The following ZNF197 variants were observed in gnomAD, a reference collection of about 807,000 sequenced individuals.
ZNF197 encodes the protein VHL-associated KRAB-A domain-containing protein.
Under a neutral mutation model 27.4 loss-of-function variants are expected in ZNF197, and 14 were observed. That is an observed-to-expected ratio of 0.51 (90% CI 0.34 to 0.80). The LOEUF is 0.80. ZNF197 is among the 30% of genes least tolerant of loss of function. ZNF197 has a pLI of 0.02. For synonymous variants in ZNF197, 415 were observed against 420.0 expected (o/e 0.99, Z 0.15); for missense variants, 1,090 against 1,222.6 (o/e 0.89, Z 1.62).
Position 44,645,253 on chromosome 3 carries a change from T to C in ZNF197, c.*1033T>C, listed in dbSNP as rs1702889494. 21 of 985,264 alleles carry C rather than the reference T, an allele frequency of 2.1e-5. No homozygotes were observed. The highest frequency in any genetic ancestry group is 2.5e-5 in the Non-Finnish European group (21 of 829,926). 61.0% of individuals were successfully genotyped at this position (985,264 alleles called of 1,614,324 possible). On this transcript the variant is annotated 3_prime_UTR_variant, in exon 6 of 6. Coordinates refer to ENST00000344387, the MANE Select transcript of ZNF197 (RefSeq NM_006991.5). ...TGAAATCATTCAGTTGTCAATAAAG[T>C]TGGATAAAAGAGGTTATGGTAAAAG...
intron 5 of ZNF197, among the ~76,000 whole-genome samples, chr3:44,637,128 T>TA (rs1702338932): frequency 6.6e-6 from 1 of 152,212 alleles, no homozygotes; most frequent in South Asian, 2.1e-4. Context: ...ATATATGACT[T>TA]ACAAATATTT....
chr3:44,643,283 G>A lies in ZNF197; in HGVS notation c.2153G>A (p.Ser718Asn), dbSNP rs773691387. The change falls in exon 6 of 6, where the codon AGC becomes AAC. Residue 718 changes from serine to asparagine, a missense_variant. By Grantham distance (46) the Ser-to-Asn change is conservative (BLOSUM62 1). Coordinates refer to ENST00000344387, the MANE Select transcript of ZNF197 (RefSeq NM_006991.5). ...CRECGKTFIM[S>N]KSFMVHQKLH... ...GAGTGTGGGAAAACCTTTATTATGA[G>A]CAAAAGTTTTATGGTCCATCAGAAA... is the stretch of plus-strand genomic sequence containing the variant. The A allele has an allele frequency of 9.3e-6, 15 of 1,613,878 alleles. No individual in the cohort carries two copies. Among genetic ancestry groups the A allele is most frequent in the Non-Finnish European group, 1.3e-5 (15 of 1,180,008 alleles).
rs1319104407 is a variant in ZNF197, at chr3:44,643,454, G to A, written c.2324G>A (p.Arg775Lys). The A allele has an allele frequency of 6.2e-7, 1 of 1,614,164 alleles. No homozygotes were observed. Among genetic ancestry groups the A allele is most frequent in the Non-Finnish European group, 8.5e-7 (1 of 1,180,042 alleles). Residue 775 changes from arginine to lysine, a missense_variant, in exon 6 of 6, where the codon AGA (arginine) becomes AAA (lysine). Arg to Lys is a conservative substitution (Grantham distance 26, BLOSUM62 2). Coordinates refer to ENST00000344387, the MANE Select transcript of ZNF197 (RefSeq NM_006991.5). ...SECGRAFSSN[R>K]NLIEHKRIHS... ...TGTGGAAGAGCTTTCAGTTCAAACA[G>A]AAACCTCATTGAGCATAAGAGAATC...
At chr3:44,630,825 G>C in intron 2 of ZNF197, 1 of 660,192 alleles carries the variant, frequency 1.5e-6, no homozygotes. Context: ...TCTGGCTTCT[G>C]TTCCCACCGT....
Position 44,646,608 on chromosome 3 carries a change from G to T in ZNF197, c.*2388G>T, listed in dbSNP as rs574325812. ...CCTGGATTCTTCAAAATATTATTAT[G>T]ATGAAAAAGAGAGGGGAGTGAAAAT... On this transcript the variant is annotated 3_prime_UTR_variant, in exon 6 of 6. Coordinates refer to ENST00000344387, the MANE Select transcript of ZNF197 (RefSeq NM_006991.5). The T allele has an allele frequency of 1.2e-4, 102 of 818,202 alleles. No individual in the cohort carries two copies. Among genetic ancestry groups the T allele is most frequent in the African/African-American group, 3.4e-4 (20 of 58,500 alleles). 50.7% of individuals were successfully genotyped at this position (818,202 alleles called of 1,614,324 possible).
intron 5 of ZNF197, among the ~76,000 whole-genome samples, chr3:44,639,664 T>A (rs912044670): frequency 2.6e-5 from 4 of 152,000 alleles, no homozygotes; most frequent in African/African-American, 9.7e-5. Context: ...TTTTTTAAGA[T>A]CAATGTTAAT....
intron 1 of ZNF197, among the ~76,000 whole-genome samples, chr3:44,625,478 G>A (rs1480662754): frequency 6.6e-6 from 1 of 152,176 alleles, no homozygotes; most frequent in Non-Finnish European, 1.5e-5. Flanking sequence ...AGTCTTGTCT[G>A]AGGCTAATCC....
rs1362543905 is a variant in ZNF197, at chr3:44,647,686, AAAT to A, written c.*3470_*3472del. 9.9e-5 allele frequency: 15 copies of A among 152,218 alleles called. No individual in the cohort carries two copies. The highest frequency in any genetic ancestry group is 9.8e-4 in the Admixed American group (15 of 15,280). The allele number at this position is 152,218 out of a possible 1,614,324, so 9.4% of individuals were successfully genotyped here. ...TTTCAAGGGAATTAATGCTGAGTGA[AAAT>A]AATCACAAAAGGCCATATTCTGTAT... is the stretch of plus-strand genomic sequence containing the variant. On this transcript the variant is annotated 3_prime_UTR_variant, in exon 6 of 6. Transcript: ENST00000344387.
Position 44,641,506 on chromosome 3 carries a change from T to C in ZNF197, c.770-394T>C, listed in dbSNP as rs1053835409. ...TTTCCTTCCCTTAAAGTTTCCATCC[T>C]TCTAACATGAAGAAAATAATAAAGA... On this transcript the variant is annotated intron_variant, in intron 5 of 5. Coordinates refer to ENST00000344387, the MANE Select transcript of ZNF197 (RefSeq NM_006991.5). Among the ~76,000 whole-genome samples the C allele has an allele frequency of 2.0e-5, 3 of 152,214 alleles. No homozygotes were observed. The South Asian group carries it at 6.2e-4, about 32-fold the overall frequency.
Position 44,646,069 on chromosome 3 carries a change from C to A in ZNF197, c.*1849C>A. The A allele has an allele frequency of 1.0e-6, 1 of 985,284 alleles. No homozygotes were observed. Among genetic ancestry groups the A allele is most frequent in the Non-Finnish European group, 1.2e-6 (1 of 829,924 alleles). The allele number at this position is 985,284 out of a possible 1,614,324, so 61.0% of individuals were successfully genotyped here. ...CCCACAGTTTCTTGGGGGCTGGTTC[C>A]TCATTAGAGTGAAAGGTAGCCAAGA... On this transcript the variant is annotated 3_prime_UTR_variant, in exon 6 of 6. Transcript: ENST00000344387.
At chr3:44,629,614 G>A in intron 2 of ZNF197, 70 bp downstream of exon 2, 2 of 1,477,492 alleles carry the variant, frequency 1.4e-6, no homozygotes, top group South Asian at 1.5e-5. Context: ...TAGGCTAGAG[G>A]GTGATCCTGT....
rs2125822684 is a variant in ZNF197, at chr3:44,642,603, C to T, written c.1473C>T (p.Phe491=). The T allele has an allele frequency of 1.2e-6, 2 of 1,613,788 alleles. No individual in the cohort carries two copies. The highest frequency in any genetic ancestry group is 1.7e-6 in the Non-Finnish European group (2 of 1,179,922). The change falls in exon 6 of 6, where the codon TTC becomes TTT. Residue 491 remains phenylalanine (F), a synonymous_variant. Coordinates refer to ENST00000344387, the MANE Select transcript of ZNF197 (RefSeq NM_006991.5). ...AGTGTAATGAATGTGGGAAAGTCTT[C>T]TCTCAGAATGCTTACCTCATTGACC... ...PYKCNECGKV[F]SQNAYLIDHQ... is the part of the protein sequence containing the mutation.
In ZNF197 at chr3:44,640,696, C is replaced by T. The variant is rs574138033; in HGVS notation, c.770-1204C>T. Among the ~76,000 whole-genome samples the T allele has an allele frequency of 2.6e-4, 39 of 152,202 alleles. No individual in the cohort carries two copies. The highest frequency in any genetic ancestry group is 8.7e-4 in the African/African-American group (36 of 41,542). On this transcript the variant is annotated intron_variant, in intron 5 of 5. Coordinates refer to ENST00000344387, the MANE Select transcript of ZNF197 (RefSeq NM_006991.5). The surrounding 1 kb of genome is among the most constrained non-coding windows in gnomAD (Gnocchi z 4.0). ...CCCGGCCTCTCCTTATGTTTGAAAC[C>T]TCACTGTGAATAAGGAAACTGAAGT...
chr3:44,626,777 T>G (rs1701692234), intron 1 of ZNF197, among the ~76,000 whole-genome samples: 1 of 152,194 alleles, frequency 6.6e-6, no homozygotes. Context: ...AAATTGGCAA[T>G]ATCAAAATTA....
At chr3:44,634,819 T>G (rs1232992865) in intron 5 of ZNF197, among the ~76,000 whole-genome samples, 1 of 152,198 alleles carries the variant, frequency 6.6e-6, no homozygotes, top group Non-Finnish European at 1.5e-5. Context: ...TCAATATATC[T>G]TGATACATAG....
chr3:44,633,132 G>A (rs1702102630), intron 5 of ZNF197, among the ~76,000 whole-genome samples: 1 of 152,002 alleles, frequency 6.6e-6, no homozygotes, highest in African/African-American at 2.4e-5. Context: ...TCTTAGAAGT[G>A]GTGTATAAGA....
In ZNF197 at chr3:44,640,043, G is replaced by A. The variant is rs975214651; in HGVS notation, c.770-1857G>A. On this transcript the variant is annotated intron_variant, in intron 5 of 5. Coordinates refer to ENST00000344387, the MANE Select transcript of ZNF197 (RefSeq NM_006991.5). The surrounding 1 kb of genome is among the most constrained non-coding windows in gnomAD (Gnocchi z 4.0). ...TAGGCATGGATTAGGGCAGATGAAA[G>A]GCGGGGGGTGTCAGTGGTAGGAAAG... is the stretch of plus-strand genomic sequence containing the variant. Among the ~76,000 whole-genome samples, 1 of 152,188 alleles carries A rather than the reference G, an allele frequency of 6.6e-6. No individual in the cohort carries two copies. The highest frequency in any genetic ancestry group is 2.4e-5 in the African/African-American group (1 of 41,444).
intron 1 of ZNF197, among the ~76,000 whole-genome samples, chr3:44,626,607 T>G (rs1701677948): frequency 6.6e-6 from 1 of 152,200 alleles, no homozygotes; most frequent in Non-Finnish European, 1.5e-5. Context: ...TTAAAAAATA[T>G]ACAAATGACT....
rs764375121 is a variant in ZNF197 at position 44,632,605 on chromosome 3, G to C, written c.769+6G>C. 1 of 1,528,218 alleles carries C rather than the reference G, an allele frequency of 6.5e-7. No individual in the cohort carries two copies. Among genetic ancestry groups the C allele is most frequent in the Admixed American group, 2.1e-5 (1 of 47,862 alleles). 94.7% of individuals were successfully genotyped at this position (1,528,218 alleles called of 1,614,324 possible). A position where few individuals can be genotyped will look rare whatever the true frequency, so the allele number is the denominator to read the frequency against. ...TGGAAATGTGACCTCCCTAGGTAAGGATTCTTCTTTCTATGATGCTTACCT... is the reference window on the plus strand; with the variant it reads ...TGGAAATGTGACCTCCCTAGGTAAGCATTCTTCTTTCTATGATGCTTACCT... On this transcript the variant is annotated splice_donor_region_variant and intron_variant, in intron 5 of 5. Coordinates refer to ENST00000344387, the MANE Select transcript of ZNF197 (RefSeq NM_006991.5).
Sources: gnomAD v4.1 joint callset for allele counts (sites outside exome capture counted in the v4.1 genomes callset) on GRCh38, gnomAD v4.1.1 for gene constraint, Gnocchi (gnomAD v3.1) non-coding constraint, MANE v1.5 for transcripts, NCBI Gene and HGNC (gene_info 2026-07-23, HGNC 2026-07-21) for gene names.